ARHGAP18: variants seen among roughly 807,000 people sequenced by gnomAD.
The protein encoded by ARHGAP18 is Rho GTPase activating protein 18, also known as rho GTPase-activating protein 18.
ARHGAP18 carries 67 observed loss-of-function variants against 86.2 expected under a neutral mutation model. The ratio of observed to expected loss-of-function variants is 0.78; its 90% CI spans 0.64 to 0.95. ARHGAP18 has a LOEUF of 0.95. ARHGAP18 is among the 40% of genes least tolerant of loss of function. The pLI is 0.00. For missense variants in ARHGAP18, 691 were observed against 780.4 expected, an observed-to-expected ratio of 0.89 and a Z score of 1.37; for synonymous variants, 283 against 280.4, an observed-to-expected ratio of 1.01 and a Z score of -0.09.
At chr6:129,708,890 G>A (rs1774851614) in intron 1 of ARHGAP18, among the ~76,000 whole-genome samples, 1 of 152,204 alleles carries the variant, frequency 6.6e-6, no homozygotes, top group Admixed American at 6.5e-5. Flanking sequence ...TAAGGCACAA[G>A]CACCAAATCT....
intron 12 of ARHGAP18, among the ~76,000 whole-genome samples, chr6:129,589,088 G>A (rs1788459944): frequency 6.6e-6 from 1 of 152,150 alleles, no homozygotes; most frequent in Non-Finnish European, 1.5e-5. Flanking sequence ...GGGCTGCCTT[G>A]AAGGTCTCTG....
At chr6:129,589,778 C>T (rs556879700) in intron 12 of ARHGAP18, among the ~76,000 whole-genome samples, 16 of 152,270 alleles carry the variant, frequency 1.1e-4, no homozygotes, top group African/African-American at 3.8e-4. Flanking sequence ...AGTATTGACT[C>T]ACACGATCAC....
chr6:129,649,327 G>A (rs564467110), intron 1 of ARHGAP18, among the ~76,000 whole-genome samples: 11 of 152,100 alleles, frequency 7.2e-5, no homozygotes, highest in South Asian at 2.1e-4. Flanking sequence ...AGGCCGAGGC[G>A]GGCAAATCAC....
chr6:129,693,153 T>C (rs577653303), intron 1 of ARHGAP18, among the ~76,000 whole-genome samples: 2 of 152,282 alleles, frequency 1.3e-5, no homozygotes, highest in Non-Finnish European at 1.5e-5. Flanking sequence ...CCAAAGAGAA[T>C]TGTCACTTGG....
intron 7 of ARHGAP18, among the ~76,000 whole-genome samples, chr6:129,612,998 G>A (rs191666205): frequency 6.6e-6 from 1 of 151,946 alleles, no homozygotes; most frequent in Non-Finnish European, 1.5e-5. Context: ...CTTTGGGAGG[G>A]CGAGGCGGGC....
chr6:129,625,890 T>C (rs1250906484), intron 5 of ARHGAP18, among the ~76,000 whole-genome samples: 2 of 87,364 alleles, frequency 2.3e-5, no homozygotes, highest in African/African-American at 8.5e-5. Flanking sequence ...TTATATATTA[T>C]ATATTATATA....
intron 1 of ARHGAP18, among the ~76,000 whole-genome samples, chr6:129,675,088 C>T (rs532681762): frequency 2.0e-5 from 3 of 152,232 alleles, no homozygotes; most frequent in South Asian, 4.1e-4. Flanking sequence ...GGTATTTTTG[C>T]GTTTACTCCT....
rs909670514 is a variant in ARHGAP18, at chr6:129,588,415, C to T, written c.1714-4303G>A. On this transcript the variant is annotated intron_variant, in intron 12 of 14. Coordinates refer to ENST00000368149, the MANE Select transcript of ARHGAP18 (RefSeq NM_033515.3). ...ACAGGCATGAGCCACCATGCCCAGC[C>T]TAACCAAATATTAAAGTTCTAAAAT... Among the ~76,000 whole-genome samples the T allele has an allele frequency of 3.9e-5, 6 of 152,324 alleles. No homozygotes were observed. The East Asian group carries it at 7.7e-4, about 20-fold the overall frequency.
chr6:129,634,666 A>C (rs1173521720), intron 3 of ARHGAP18, among the ~76,000 whole-genome samples: 1 of 152,132 alleles, frequency 6.6e-6, no homozygotes, highest in African/African-American at 2.4e-5. Flanking sequence ...TAGGGAGGGA[A>C]AGATGGGGAA....
At chr6:129,580,223 G>T in intron 13 of ARHGAP18, 92 bp from the exon 14 acceptor site, 1 of 1,134,372 alleles carries the variant, frequency 8.8e-7, no homozygotes, top group Non-Finnish European at 1.3e-6. Flanking sequence ...GGCTGGTATG[G>T]AAAATTCATA....
intron 1 of ARHGAP18, among the ~76,000 whole-genome samples, chr6:129,667,503 G>GTA (rs1554341330): frequency 0.018 from 2,611 of 145,372 alleles, 104 homozygotes; most frequent in African/African-American, 0.06. Flanking sequence ...GTGTGTGTGT[G>GTA]TGTTGTGTAT....
intron 1 of ARHGAP18, among the ~76,000 whole-genome samples, chr6:129,665,005 T>C (rs981695912): frequency 1.3e-5 from 2 of 152,206 alleles, no homozygotes; most frequent in African/African-American, 4.8e-5. Flanking sequence ...TGAATAGTTA[T>C]TATTGAAAAT....
intron 4 of ARHGAP18, among the ~76,000 whole-genome samples, chr6:129,630,750 C>T (rs1773185663): frequency 6.6e-6 from 1 of 152,094 alleles, no homozygotes; most frequent in Admixed American, 6.5e-5. Context: ...CACAGGGCTC[C>T]AGGCTCAGGA....
intron 3 of ARHGAP18, among the ~76,000 whole-genome samples, chr6:129,637,157 AGG>A (rs922446305): frequency 5.3e-5 from 8 of 151,674 alleles, no homozygotes; most frequent in African/African-American, 1.7e-4. Context: ...CTCGACCTCC[AGG>A]GCTCAAGCAA....
chr6:129,613,414 A>G lies in ARHGAP18; in HGVS notation c.1045-1804T>C, dbSNP rs1241095425. ...TGTAACCAATATTCAATGTATAGCCAATTTTCATTTTATTTGATCTTATAA... is the reference window on the plus strand; with the variant it reads ...TGTAACCAATATTCAATGTATAGCCGATTTTCATTTTATTTGATCTTATAA... On this transcript the variant is annotated intron_variant, in intron 7 of 14. Coordinates refer to ENST00000368149, the MANE Select transcript of ARHGAP18 (RefSeq NM_033515.3). Among the ~76,000 whole-genome samples, 5 of 152,182 alleles carry G rather than the reference A, an allele frequency of 3.3e-5. No individual in the cohort carries two copies. The South Asian group carries it at 6.2e-4, about 19-fold the overall frequency.
intron 1 of ARHGAP18, among the ~76,000 whole-genome samples, chr6:129,647,465 C>T (rs1417275827): frequency 6.6e-6 from 1 of 152,184 alleles, no homozygotes; most frequent in Non-Finnish European, 1.5e-5. Flanking sequence ...GCCCCAAAGT[C>T]AGCTTTCTTG....
At chr6:129,615,451 A>G (rs1284140351) in intron 7 of ARHGAP18, among the ~76,000 whole-genome samples, 3 of 152,204 alleles carry the variant, frequency 2.0e-5, no homozygotes, top group African/African-American at 7.2e-5. Context: ...GAGGGGAAGA[A>G]TAAGTGCCAA....
chr6:129,599,062 G>C, intron 12 of ARHGAP18, 154 bp downstream of exon 12: 1 of 593,652 alleles, frequency 1.7e-6, no homozygotes, highest in Non-Finnish European at 2.7e-6. Context: ...AGCAGCAGTA[G>C]TAGGAAGACA....
intron 1 of ARHGAP18, among the ~76,000 whole-genome samples, chr6:129,704,762 AC>A (rs1045067753): frequency 4.5e-4 from 68 of 152,254 alleles, no homozygotes; most frequent in African/African-American, 1.5e-3. Context: ...AGCCAGAGGG[AC>A]CTTTTAAATG....
Sources: allele counts gnomAD v4.1 joint callset (sites outside exome capture counted in the v4.1 genomes callset), GRCh38; gene constraint gnomAD v4.1.1; transcripts MANE v1.5; gene names NCBI Gene and HGNC (gene_info 2026-07-23, HGNC 2026-07-21).